PISD: variants seen among roughly 807,000 people sequenced by gnomAD.
PISD encodes phosphatidylserine decarboxylase.
Under a neutral mutation model 43.5 loss-of-function variants are expected in PISD, and 31 were observed. The ratio of observed to expected loss-of-function variants is 0.71; its 90% CI spans 0.54 to 0.96. The LOEUF (loss-of-function observed/expected upper bound fraction) is 0.96, where lower values mean the gene tolerates loss of function less well. Ranked by LOEUF, PISD falls within the 40% of genes least tolerant of loss-of-function variation. The probability of loss-of-function intolerance (pLI) is 0.00; values close to 1 mark genes in which losing one functional copy is unlikely to be tolerated. For missense variants in PISD, 523 were observed against 548.4 expected (o/e 0.95, Z 0.46); for synonymous variants, 259 against 228.7 (o/e 1.13, Z -1.20).
chr22:31,637,776 G>T (rs1253331345), intron 3 of PISD, among the ~76,000 whole-genome samples: 2 of 152,222 alleles, frequency 1.3e-5, no homozygotes. Flanking sequence ...TTCTGAAGAA[G>T]CAAGTGTCCC....
In PISD at chr22:31,621,060, A is replaced by C. The variant is rs750037214; in HGVS notation, c.780T>G (p.Pro260=). ...GGGAGTGGAAGCAGTGGTAGTCCCCAGGGGCCAGGTAGATGACACAGTGAT... is the reference window on the plus strand; with the variant it reads ...GGGAGTGGAAGCAGTGGTAGTCCCCCGGGGCCAGGTAGATGACACAGTGAT... ...ELYHCVIYLA[P]GDYHCFHSPT... Residue 260 remains proline (P), a synonymous_variant, in exon 6 of 8, where the codon CCT becomes CCG. Coordinates refer to ENST00000439502, the MANE Select transcript of PISD (RefSeq NM_001326411.2). 6.2e-7 allele frequency: 1 copy of C among 1,614,008 alleles called. No individual in the cohort carries two copies. The highest frequency in any genetic ancestry group is 8.5e-7 in the Non-Finnish European group (1 of 1,179,936).
intron 3 of PISD, chr22:31,623,803 T>G: frequency 6.2e-7 from 1 of 1,613,980 alleles, no homozygotes; most frequent in Non-Finnish European, 8.5e-7. Flanking sequence ...GACATGCAGC[T>G]CAGCTGCCCC....
chr22:31,624,674 C>G (rs916468000), intron 3 of PISD, among the ~76,000 whole-genome samples: 6 of 151,312 alleles, frequency 4.0e-5, no homozygotes, highest in Non-Finnish European at 5.9e-5. Context: ...CACACACACA[C>G]ACACACCCAT....
At chr22:31,650,815 C>A (rs753982996) in intron 1 of PISD, 37 bp from the exon 2 acceptor site, 112 of 1,319,582 alleles carry the variant, frequency 8.5e-5, no homozygotes, top group Admixed American at 2.6e-4. Flanking sequence ...AAATATTATT[C>A]TTAAAATTAA....
Position 31,618,492 on chromosome 22 carries a change from T to A in PISD, c.*1120A>T. On this transcript the variant is annotated 3_prime_UTR_variant, in exon 8 of 8. Coordinates refer to ENST00000439502, the MANE Select transcript of PISD (RefSeq NM_001326411.2). ...GCCACCTCCAGGAACAGAACACAGT[T>A]TTAAGTTTGATTTTTTTTATTTCAA... The A allele has an allele frequency of 7.4e-7, 1 of 1,345,598 alleles. No homozygotes were observed. Among genetic ancestry groups the A allele is most frequent in the Non-Finnish European group, 9.7e-7 (1 of 1,029,066 alleles). The allele number at this position is 1,345,598 out of a possible 1,614,324, so 83.4% of individuals were successfully genotyped here.
chr22:31,654,632 C>T (rs1241995517), intron 1 of PISD, among the ~76,000 whole-genome samples: 2 of 152,162 alleles, frequency 1.3e-5, no homozygotes. Flanking sequence ...CTAAATTTCC[C>T]AGCCTCCTGT....
At position 31,630,839 on chromosome 22, in the gene PISD, T is replaced by A; in HGVS notation, c.322-8954A>T. On this transcript the variant is annotated intron_variant, in intron 3 of 7. Coordinates refer to ENST00000439502, the MANE Select transcript of PISD (RefSeq NM_001326411.2). This position sits in a 1 kb window ranked among gnomAD's most constrained non-coding sequence, Gnocchi z 4.4. ...CTCCAGCTTCCGGGCTCCGACTCCC[T>A]AGGGGCGCTCCCGGAGCCGGGAAGC... The A allele has an allele frequency of 1.0e-6, 1 of 985,406 alleles. No individual in the cohort carries two copies. The highest frequency in any genetic ancestry group is 1.2e-6 in the Non-Finnish European group (1 of 829,922). The allele number at this position is 985,406 out of a possible 1,614,324, so 61.0% of individuals were successfully genotyped here.
At chr22:31,645,349 G>C (rs1389818656) in intron 3 of PISD, among the ~76,000 whole-genome samples, 1 of 151,802 alleles carries the variant, frequency 6.6e-6, no homozygotes, top group Non-Finnish European at 1.5e-5. Flanking sequence ...GGGATGCAGT[G>C]AGCCGTGATC....
At chr22:31,645,116 G>C (rs902171862) in intron 3 of PISD, among the ~76,000 whole-genome samples, 1 of 150,608 alleles carries the variant, frequency 6.6e-6, no homozygotes, top group African/African-American at 2.4e-5. Context: ...GTGAGACTCC[G>C]TCTCAAAAAA....
chr22:31,639,107 TCTCAG>T (rs2073612503), intron 3 of PISD, among the ~76,000 whole-genome samples: 1 of 150,826 alleles, frequency 6.6e-6, no homozygotes, highest in South Asian at 2.1e-4. Flanking sequence ...GATTCTCCTG[TCTCAG>T]CCTCTCAGGT....
At chr22:31,660,321 G>T (rs1461066106) in intron 1 of PISD, among the ~76,000 whole-genome samples, 1 of 151,908 alleles carries the variant, frequency 6.6e-6, no homozygotes, top group East Asian at 1.9e-4. Context: ...CCCTTTTAAT[G>T]ATGGTGACTG....
intron 3 of PISD, chr22:31,628,856 T>G: frequency 1.0e-6 from 1 of 985,408 alleles, no homozygotes; most frequent in Non-Finnish European, 1.2e-6. Flanking sequence ...ACCTCACCTC[T>G]CTTTCCAAAA....
chr22:31,651,197 C>T (rs1038327527), intron 1 of PISD, among the ~76,000 whole-genome samples: 5 of 152,154 alleles, frequency 3.3e-5, no homozygotes, highest in Non-Finnish European at 7.3e-5. Flanking sequence ...CTCCTGATCT[C>T]ATGTGATCCA....
At position 31,621,162 on chromosome 22, in the gene PISD, G is replaced by T. The variant is rs576778673; in HGVS notation, c.698-20C>A. The T allele has an allele frequency of 1.2e-6, 2 of 1,613,658 alleles. No homozygotes were observed. Among genetic ancestry groups the T allele is most frequent in the Non-Finnish European group, 1.7e-6 (2 of 1,179,758 alleles). ...ACGCGGCTGTGGAGTAGGAGCAGAC[G>T]TGGGGGCCACCAACACAGTGAGCAC... is the stretch of plus-strand genomic sequence containing the variant. On this transcript the variant is annotated intron_variant, in intron 5 of 7. Transcript: ENST00000439502.
At chr22:31,624,164 C>G (rs2072746692) in intron 3 of PISD, among the ~76,000 whole-genome samples, 1 of 152,196 alleles carries the variant, frequency 6.6e-6, no homozygotes, top group Middle Eastern at 3.2e-3. Context: ...CGGGGCACCT[C>G]TCAGCTGCAG....
Position 31,621,825 on chromosome 22 carries a change from G to C in PISD, c.382C>G (p.Gln128Glu). The C allele has an allele frequency of 1.9e-6, 3 of 1,613,058 alleles. No homozygotes were observed. Among genetic ancestry groups the C allele is most frequent in the Non-Finnish European group, 2.5e-6 (3 of 1,180,040 alleles). Reference protein sequence around the residue: ...LLSRAWGRLNQVELPHWLRRP... With the variant: ...LLSRAWGRLNEVELPHWLRRP... ...CGCAGCCAGTGTGGCAGCTCCACCT[G>C]ATTGAGGCGACCCCAGGCCCGTGAC... is the stretch of plus-strand genomic sequence containing the variant. Residue 128 changes from glutamine (Q) to glutamate (E), a missense_variant, in exon 4 of 8, where the codon CAG becomes GAG. Physicochemically the swap from Gln to Glu is conservative, Grantham distance 29. Coordinates refer to ENST00000439502, the MANE Select transcript of PISD (RefSeq NM_001326411.2).
chr22:31,656,970 T>A lies in PISD; in HGVS notation c.65+5174A>T, dbSNP rs939782231. Among the ~76,000 whole-genome samples, 14 of 152,152 alleles carry A rather than the reference T, an allele frequency of 9.2e-5. No homozygotes were observed. In the East Asian group the frequency reaches 1.7e-3, roughly 19 times the overall value. ...TCTTGAACACTAACTTCTTAATTTTTAAAAAAAATTTTTCTGGGTATGTAG... is the reference window on the plus strand; with the variant it reads ...TCTTGAACACTAACTTCTTAATTTTAAAAAAAAATTTTTCTGGGTATGTAG... On this transcript the variant is annotated intron_variant, in intron 1 of 7. Coordinates refer to ENST00000439502, the MANE Select transcript of PISD (RefSeq NM_001326411.2).
intron 3 of PISD, among the ~76,000 whole-genome samples, chr22:31,637,143 T>TTAAAAAA (rs1556419492): frequency 3.2e-5 from 1 of 31,620 alleles, no homozygotes; most frequent in East Asian, 1.3e-3. Flanking sequence ...ATAAATAAAT[T>TTAAAAAA]AAAAAAAAAA....
intron 3 of PISD, among the ~76,000 whole-genome samples, chr22:31,646,233 C>T (rs1354191263): frequency 1.3e-5 from 2 of 151,854 alleles, no homozygotes; most frequent in African/African-American, 4.8e-5. Flanking sequence ...CTCATATCTA[C>T]AAAAAAAGAA....
Sources: allele counts gnomAD v4.1 joint callset (sites outside exome capture counted in the v4.1 genomes callset), GRCh38; gene constraint gnomAD v4.1.1; non-coding constraint Gnocchi (gnomAD v3.1); transcripts MANE v1.5; gene names NCBI Gene and HGNC (gene_info 2026-07-23, HGNC 2026-07-21).